The following BRD10 variants were observed in gnomAD, a reference collection of about 807,000 sequenced individuals.
BRD10 encodes the protein uncharacterized bromodomain-containing protein 10.
the BRD10 span, among the ~76,000 whole-genome samples, chr9:5,924,472 G>A: frequency 2.0e-5 from 3 of 151,934 alleles, no homozygotes; most frequent in Non-Finnish European, 4.4e-5. Context: ...TGTTGAGATG[G>A]GGTCTCGCTA....
chr9:5,896,273 G>A, the BRD10 span, among the ~76,000 whole-genome samples: 1 of 152,224 alleles, frequency 6.6e-6, no homozygotes, highest in Admixed American at 6.5e-5. Context: ...GGGGTGCCTA[G>A]CCCAGTGCCT....
chr9:5,921,358 G>C, the BRD10 span: 1 of 1,613,894 alleles, frequency 6.2e-7, no homozygotes, highest in Non-Finnish European at 8.5e-7. Flanking sequence ...GTACTATTTG[G>C]GGTTGCTCTG....
the BRD10 span, chr9:5,921,288 T>C: frequency 2.5e-6 from 4 of 1,614,000 alleles, no homozygotes; most frequent in Non-Finnish European, 2.5e-6. Context: ...ACATCCTTTA[T>C]CTGAGACACA....
the BRD10 span, among the ~76,000 whole-genome samples, chr9:5,927,500 C>A: frequency 6.6e-6 from 1 of 152,150 alleles, no homozygotes; most frequent in South Asian, 2.1e-4. Context: ...CACCTTATAG[C>A]AAAACTCCAT....
At chr9:5,929,240 A>G in the BRD10 span, 1 of 734,602 alleles carries the variant, frequency 1.4e-6, no homozygotes, top group East Asian at 2.6e-5. Context: ...TAAAATACAA[A>G]AACACCAATA....
At chr9:5,988,388 C>T in the BRD10 span, 1 of 1,613,884 alleles carries the variant, frequency 6.2e-7, no homozygotes, top group East Asian at 2.2e-5. Context: ...TGTCTCAAAA[C>T]TTGAACCATT....
At chr9:5,927,031 G>A in the BRD10 span, among the ~76,000 whole-genome samples, 1 of 152,128 alleles carries the variant, frequency 6.6e-6, no homozygotes, top group Admixed American at 6.5e-5. Flanking sequence ...AAAGGTATTA[G>A]AATGGGTTAC....
At chr9:5,983,150 T>C in the BRD10 span, among the ~76,000 whole-genome samples, 6 of 152,062 alleles carry the variant, frequency 3.9e-5, no homozygotes, top group Non-Finnish European at 4.4e-5. Flanking sequence ...CCACACAAAC[T>C]GGGGAGGTAA....
At chr9:5,964,855 A>G in the BRD10 span, among the ~76,000 whole-genome samples, 1 of 113,718 alleles carries the variant, frequency 8.8e-6, no homozygotes, top group African/African-American at 3.3e-5. Flanking sequence ...GAATTGAACA[A>G]TGAGATCACA....
the BRD10 span, among the ~76,000 whole-genome samples, chr9:5,990,374 C>T: frequency 6.6e-6 from 1 of 152,074 alleles, no homozygotes; most frequent in African/African-American, 2.4e-5. Context: ...AATGACATCT[C>T]AGAGGTCACA....
chr9:5,984,567 C>G, the BRD10 span, among the ~76,000 whole-genome samples: 209 of 152,168 alleles, frequency 1.4e-3, 1 homozygote, highest in African/African-American at 4.9e-3. Context: ...CATCAGAAAA[C>G]ATAAAAGCCA....
chr9:5,996,841 T>C, the BRD10 span, among the ~76,000 whole-genome samples: 5 of 152,196 alleles, frequency 3.3e-5, no homozygotes. Context: ...CAGCTATTCC[T>C]ACTTCTCAGG....
chr9:5,888,225 T>C, the BRD10 span, among the ~76,000 whole-genome samples: 1 of 152,190 alleles, frequency 6.6e-6, no homozygotes, highest in Non-Finnish European at 1.5e-5. Context: ...GACTGTTGTG[T>C]CCCACTGAAA....
the BRD10 span, among the ~76,000 whole-genome samples, chr9:5,985,142 T>C: frequency 6.6e-6 from 1 of 152,176 alleles, no homozygotes; most frequent in East Asian, 1.9e-4. Context: ...GATGCAAAGG[T>C]AATTCAGTGG....
the BRD10 span, among the ~76,000 whole-genome samples, chr9:5,931,350 C>T: frequency 1.3e-5 from 2 of 152,102 alleles, no homozygotes; most frequent in East Asian, 3.8e-4. Flanking sequence ...GTATTTCTGC[C>T]TCTGTTGAAT....
the BRD10 span, among the ~76,000 whole-genome samples, chr9:5,936,931 T>G: frequency 6.6e-6 from 1 of 152,078 alleles, no homozygotes; most frequent in Non-Finnish European, 1.5e-5. Context: ...ATGTGATACG[T>G]GATTGAAAAA....
chr9:5,945,991 G>A, the BRD10 span, among the ~76,000 whole-genome samples: 1 of 151,908 alleles, frequency 6.6e-6, no homozygotes, highest in Non-Finnish European at 1.5e-5. Flanking sequence ...TCAGTGTCAG[G>A]GGACTGTTTT....
chr9:5,973,217 A>G, the BRD10 span, among the ~76,000 whole-genome samples: 1 of 152,248 alleles, frequency 6.6e-6, no homozygotes, highest in Non-Finnish European at 1.5e-5. Flanking sequence ...CTGTAATCTC[A>G]GCACTTTGGG....
the BRD10 span, among the ~76,000 whole-genome samples, chr9:5,933,117 G>T: frequency 6.6e-6 from 1 of 152,162 alleles, no homozygotes; most frequent in Non-Finnish European, 1.5e-5. Flanking sequence ...ATCATTTGTG[G>T]AGCAGTGCTA....
Sources: gnomAD v4.1 joint callset for allele counts (sites outside exome capture counted in the v4.1 genomes callset) on GRCh38, gnomAD v4.1.1 for gene constraint, MANE v1.5 for transcripts, NCBI Gene and HGNC (gene_info 2026-07-23, HGNC 2026-07-21) for gene names.